Variants in AUTS2 observed in about 807,000 individuals in gnomAD.
AUTS2 encodes the protein autism susceptibility gene 2 protein.
Under a neutral mutation model 112.4 loss-of-function variants are expected in AUTS2, and 17 were observed. The observed-to-expected ratio is 0.15, with a 90% CI of 0.10 to 0.23. The LOEUF (loss-of-function observed/expected upper bound fraction) is 0.23. AUTS2 is among the 10% of genes least tolerant of loss of function. The probability of loss-of-function intolerance (pLI) is 1.00; values close to 1 mark genes in which losing one functional copy is unlikely to be tolerated. For missense variants in AUTS2, 1,510 were observed against 1,701.6 expected (o/e 0.89, Z 1.98); for synonymous variants, 751 against 702.7 (o/e 1.07, Z -1.09).
intron 4 of AUTS2, among the ~76,000 whole-genome samples, chr7:70,156,733 A>G (rs1807783457): frequency 6.6e-6 from 1 of 151,564 alleles, no homozygotes; most frequent in Non-Finnish European, 1.5e-5. Context: ...TCACCTCATA[A>G]AAGTCCTTTG....
At chr7:70,387,410 G>C (rs1285258358) in intron 4 of AUTS2, among the ~76,000 whole-genome samples, 1 of 152,052 alleles carries the variant, frequency 6.6e-6, no homozygotes, top group Non-Finnish European at 1.5e-5. Context: ...ACATTATCCG[G>C]CTACTTTTGG....
chr7:70,160,111 G>A (rs1807994568), intron 4 of AUTS2, among the ~76,000 whole-genome samples: 1 of 152,020 alleles, frequency 6.6e-6, no homozygotes, highest in Non-Finnish European at 1.5e-5. Context: ...TGACTTTTTA[G>A]CAACATCCAT....
intron 4 of AUTS2, among the ~76,000 whole-genome samples, chr7:70,412,169 A>G (rs1276928692): frequency 1.3e-5 from 2 of 152,082 alleles, no homozygotes; most frequent in African/African-American, 4.8e-5. Flanking sequence ...TGCTGGGATT[A>G]CAGGTGTGAG....
chr7:69,730,639 G>C (rs369855025), intron 1 of AUTS2, among the ~76,000 whole-genome samples: 1 of 152,180 alleles, frequency 6.6e-6, no homozygotes, highest in Non-Finnish European at 1.5e-5. Flanking sequence ...CAAATGTACA[G>C]AGAATTTTTT....
At chr7:69,991,093 G>C (rs980992877) in intron 2 of AUTS2, among the ~76,000 whole-genome samples, 5 of 152,182 alleles carry the variant, frequency 3.3e-5, no homozygotes, top group African/African-American at 1.2e-4. Context: ...TAGTAAAAAT[G>C]AAAGAGAGTC....
intron 4 of AUTS2, among the ~76,000 whole-genome samples, chr7:70,314,876 T>G (rs1201822514): frequency 6.6e-6 from 1 of 152,212 alleles, no homozygotes; most frequent in Non-Finnish European, 1.5e-5. Flanking sequence ...TCCCTTTGCC[T>G]TGTACCTGCT....
chr7:70,509,688 G>A (rs940263346), intron 5 of AUTS2, among the ~76,000 whole-genome samples: 1 of 152,034 alleles, frequency 6.6e-6, no homozygotes, highest in African/African-American at 2.4e-5. Flanking sequence ...TCTTTTTCGT[G>A]TCTTTTGACA....
At chr7:69,822,809 T>C (rs1207015879) in intron 1 of AUTS2, among the ~76,000 whole-genome samples, 1 of 152,224 alleles carries the variant, frequency 6.6e-6, no homozygotes, top group East Asian at 1.9e-4. Context: ...GGGAGTCTCT[T>C]GAGTCCTGAT....
At chr7:70,424,187 G>A (rs767675742) in intron 4 of AUTS2, among the ~76,000 whole-genome samples, 1 of 152,166 alleles carries the variant, frequency 6.6e-6, no homozygotes, top group Non-Finnish European at 1.5e-5. Flanking sequence ...GTCAGCCTCA[G>A]ACTGAATGAG....
At chr7:70,364,881 A>C (rs1464332483) in intron 4 of AUTS2, among the ~76,000 whole-genome samples, 1 of 152,194 alleles carries the variant, frequency 6.6e-6, no homozygotes, top group African/African-American at 2.4e-5. Context: ...TTATTTATGG[A>C]TAAGTCTTGA....
Position 69,849,374 on chromosome 7 carries a change from C to T in AUTS2, c.310-49912C>T, listed in dbSNP as rs189040658. Among the ~76,000 whole-genome samples, 14 of 152,248 alleles carry T rather than the reference C, an allele frequency of 9.2e-5. No individual in the cohort carries two copies. In the East Asian group the frequency reaches 1.4e-3, roughly 15 times the overall value. Reference sequence around the variant, plus strand: ...ATAGAGAGATCCAGGGTGACCTTCACCTAGTACAATATATGTGTATAGCTC... The same window carrying T: ...ATAGAGAGATCCAGGGTGACCTTCATCTAGTACAATATATGTGTATAGCTC... On this transcript the variant is annotated intron_variant, in intron 1 of 18. Transcript: ENST00000342771.
At chr7:69,730,577 G>A (rs895098887) in intron 1 of AUTS2, among the ~76,000 whole-genome samples, 4 of 152,184 alleles carry the variant, frequency 2.6e-5, no homozygotes, top group African/African-American at 9.7e-5. Context: ...TCAGCTTCCT[G>A]TAATGTCTAC....
At chr7:70,742,068 G>T (rs561921358) in intron 6 of AUTS2, among the ~76,000 whole-genome samples, 2 of 152,306 alleles carry the variant, frequency 1.3e-5, no homozygotes, top group South Asian at 4.1e-4. Context: ...AGCAAGTGTC[G>T]CAGCAGCTCC....
intron 4 of AUTS2, among the ~76,000 whole-genome samples, chr7:70,240,097 C>T (rs933335361): frequency 6.6e-6 from 1 of 152,140 alleles, no homozygotes; most frequent in African/African-American, 2.4e-5. Context: ...GCTAGCGTGA[C>T]ATTCCTACTA....
intron 4 of AUTS2, among the ~76,000 whole-genome samples, chr7:70,252,549 C>A (rs1449862295): frequency 1.3e-5 from 2 of 152,082 alleles, no homozygotes; most frequent in Non-Finnish European, 2.9e-5. Flanking sequence ...AATCTGCAAG[C>A]TATTTCTTAA....
At chr7:70,638,558 G>C (rs1369489683) in intron 5 of AUTS2, among the ~76,000 whole-genome samples, 1 of 149,240 alleles carries the variant, frequency 6.7e-6, no homozygotes, top group Non-Finnish European at 1.5e-5. Flanking sequence ...TCACTCACTG[G>C]AACTTATTTT....
At chr7:70,478,056 G>A (rs565863576) in intron 5 of AUTS2, among the ~76,000 whole-genome samples, 1 of 152,274 alleles carries the variant, frequency 6.6e-6, no homozygotes, top group South Asian at 2.1e-4. Context: ...AGTGTGAGAA[G>A]CACACCTATT....
intron 2 of AUTS2, among the ~76,000 whole-genome samples, chr7:70,059,304 T>C (rs1802135832): frequency 6.6e-6 from 1 of 152,210 alleles, no homozygotes; most frequent in Non-Finnish European, 1.5e-5. Flanking sequence ...TTATTATACA[T>C]TTAAGGTCCT....
chr7:70,630,967 A>T (rs1009864503), intron 5 of AUTS2, among the ~76,000 whole-genome samples: 2 of 152,196 alleles, frequency 1.3e-5, no homozygotes, highest in African/African-American at 4.8e-5. Context: ...GAGACTTTAA[A>T]GGAAAATGGA....
Sources: allele counts gnomAD v4.1 joint callset (sites outside exome capture counted in the v4.1 genomes callset), GRCh38; gene constraint gnomAD v4.1.1; transcripts MANE v1.5; gene names NCBI Gene and HGNC (gene_info 2026-07-23, HGNC 2026-07-21).